The following NFS1 variants were observed in gnomAD, a reference collection of about 807,000 sequenced individuals.
NFS1 encodes the protein cysteine desulfurase.
In NFS1, 26 loss-of-function variants were observed where a neutral mutation model predicts 57.3. The observed-to-expected ratio is 0.45, with a 90% CI of 0.33 to 0.63. NFS1 has a LOEUF of 0.63. NFS1 is among the 20% of genes least tolerant of loss of function. The pLI, the probability that NFS1 is intolerant of heterozygous loss-of-function variation, is 0.02. For synonymous variants in NFS1, 209 were observed against 216.3 expected (o/e 0.97, Z 0.30); for missense variants, 505 against 605.8 (o/e 0.83, Z 1.75).
At chr20:35,684,826 G>A (rs1392407122) in intron 5 of NFS1, among the ~76,000 whole-genome samples, 1 of 151,860 alleles carries the variant, frequency 6.6e-6, no homozygotes, top group East Asian at 1.9e-4. Context: ...CACTTTGGGA[G>A]GCTGAGGTCA....
rs558268831 is a variant in NFS1, at chr20:35,696,319, G to A, written c.408+58C>T. ...ACATATACGAGTCCAAATGATGGAG[G>A]GACACTATCTCCTAGGTCAGGAAAG... On this transcript the variant is annotated intron_variant, in intron 4 of 12. Transcript: ENST00000374092. 6 of 1,133,514 alleles carry A rather than the reference G, an allele frequency of 5.3e-6. No individual in the cohort carries two copies. The African/African-American group carries it at 9.1e-5, about 17-fold the overall frequency. The allele number at this position is 1,133,514 out of a possible 1,614,324, so 70.2% of individuals were successfully genotyped here.
At chr20:35,686,413 G>A (rs2034946022) in intron 5 of NFS1, among the ~76,000 whole-genome samples, 1 of 150,998 alleles carries the variant, frequency 6.6e-6, no homozygotes, top group East Asian at 1.9e-4. Context: ...CTTTTATGAA[G>A]TGATGAAAAT....
intron 5 of NFS1, 67 bp downstream of exon 5, chr20:35,690,346 G>A: frequency 6.6e-7 from 1 of 1,511,126 alleles, no homozygotes; most frequent in Non-Finnish European, 9.1e-7. Context: ...TAGGGCCCAA[G>A]AGAGAAATTT....
At position 35,675,068 on chromosome 20, in the gene NFS1, C is replaced by T; in HGVS notation, c.925G>A (p.Glu309Lys). Reference sequence around the variant, plus strand: ...ACCTCCATCTCTTGCTGTGCCACCTCACACGCAGCCCCCAGCCCCACCACT... The same window carrying T: ...ACCTCCATCTCTTGCTGTGCCACCTTACACGCAGCCCCCAGCCCCACCACT... The part of the protein sequence containing the change: ...PLVVGLGAAC[E>K]VAQQEMEYDH... The change falls in exon 8 of 13, where the codon GAG becomes AAG. Residue 309 changes from glutamate (E) to lysine (K), a missense_variant. Coordinates refer to ENST00000374092, the MANE Select transcript of NFS1 (RefSeq NM_021100.5). 1.2e-6 allele frequency: 2 copies of T among 1,614,040 alleles called. No individual in the cohort carries two copies. Among genetic ancestry groups the T allele is most frequent in the Non-Finnish European group, 1.7e-6 (2 of 1,179,938 alleles).
intron 9 of NFS1, 21 bp from the exon 10 acceptor site, chr20:35,674,452 G>A: frequency 6.2e-7 from 1 of 1,612,862 alleles, no homozygotes; most frequent in Non-Finnish European, 8.5e-7. Context: ...GAAATACTGT[G>A]AGAGAGGTCT....
chr20:35,692,242 C>T, intron 4 of NFS1: 2 of 275,932 alleles, frequency 7.2e-6, no homozygotes, highest in Non-Finnish European at 1.4e-5. Context: ...GGTGTGGTGG[C>T]ACGCACCTGT....
intron 7 of NFS1, among the ~76,000 whole-genome samples, chr20:35,680,318 A>AT (rs1176043534): frequency 6.6e-6 from 1 of 152,136 alleles, no homozygotes; most frequent in Non-Finnish European, 1.5e-5. Flanking sequence ...AAAAAAAAAA[A>AT]GAACACAAAG....
intron 6 of NFS1, among the ~76,000 whole-genome samples, chr20:35,681,115 T>G (rs1601523905): frequency 6.6e-6 from 1 of 151,188 alleles, no homozygotes; most frequent in East Asian, 2.0e-4. Context: ...AAGCACCAGA[T>G]CGAAACACTC....
chr20:35,676,635 G>C lies in NFS1; in HGVS notation c.791-1433C>G, dbSNP rs146926577. ...GAAAAATGAAAGATTGAAACAGTGA[G>C]TACAGTATGCTATCATCTGGATAAA... On this transcript the variant is annotated intron_variant, in intron 7 of 12. Coordinates refer to ENST00000374092, the MANE Select transcript of NFS1 (RefSeq NM_021100.5). Among the ~76,000 whole-genome samples the C allele has an allele frequency of 4.6e-5, 7 of 151,806 alleles. No homozygotes were observed. The East Asian group carries it at 1.2e-3, about 25-fold the overall frequency.
At chr20:35,690,801 G>T (rs1776759038) in intron 4 of NFS1, among the ~76,000 whole-genome samples, 1 of 152,118 alleles carries the variant, frequency 6.6e-6, no homozygotes, top group South Asian at 2.1e-4. Context: ...CCAGACATAA[G>T]TCCCAGGGGT....
At position 35,697,405 on chromosome 20, in the gene NFS1, C is replaced by T. The variant is rs192417612; in HGVS notation, c.324+279G>A. Among the ~76,000 whole-genome samples the T allele has an allele frequency of 2.1e-3, 316 of 152,092 alleles. 4 individuals are homozygous for T. Among genetic ancestry groups the T allele is most frequent in the African/African-American group, 7.0e-3 (292 of 41,482 alleles). The stretch of plus-strand genomic sequence containing the variant: ...TTTATCAGCATTGTCTTATTTAATC[C>T]ACCCAGTAACCCTACAGAGTAGAAA... On this transcript the variant is annotated intron_variant, in intron 3 of 12. Coordinates refer to ENST00000374092, the MANE Select transcript of NFS1 (RefSeq NM_021100.5).
At chr20:35,682,614 C>A (rs1237999738) in intron 5 of NFS1, 1 of 152,170 alleles carries the variant, frequency 6.6e-6, no homozygotes, top group Non-Finnish European at 1.5e-5. Context: ...CAAGGAGAAA[C>A]CCTGTCTCTA....
rs770712131 is a variant in NFS1, at chr20:35,675,038, C to T, written c.948+7G>A. 9.9e-6 allele frequency: 16 copies of T among 1,613,768 alleles called. No homozygotes were observed. The East Asian group carries it at 3.1e-4, about 31-fold the overall frequency. ...GAAGTTGTGGGAGGGAACTGCTCTCCCCATACCTCCATCTCTTGCTGTGCC... is the reference window on the plus strand; with the variant it reads ...GAAGTTGTGGGAGGGAACTGCTCTCTCCATACCTCCATCTCTTGCTGTGCC... On this transcript the variant is annotated splice_region_variant and intron_variant, in intron 8 of 12. Coordinates refer to ENST00000374092, the MANE Select transcript of NFS1 (RefSeq NM_021100.5).
Position 35,680,820 on chromosome 20 carries a change from G to GCCT in NFS1, c.704_706dup (p.Gln235_Ala236insGlu), listed in dbSNP as rs2034835513. 6.3e-7 allele frequency: 1 copy of GCCT among 1,582,590 alleles called. No homozygotes were observed. Among genetic ancestry groups the GCCT allele is most frequent in the African/African-American group, 1.4e-5 (1 of 73,414 alleles). ...GACATCAAGTGGGATTTTTCCAACA[G>GCCT]CCTGGGCTGCATCAGTATGGAAATA... On this transcript the variant is annotated inframe_insertion, in exon 7 of 13. Coordinates refer to ENST00000374092, the MANE Select transcript of NFS1 (RefSeq NM_021100.5).
chr20:35,676,461 C>T (rs1457519297), intron 7 of NFS1, among the ~76,000 whole-genome samples: 1 of 151,392 alleles, frequency 6.6e-6, no homozygotes, highest in Non-Finnish European at 1.5e-5. Flanking sequence ...TGGCACGCAC[C>T]TGTAATCCCA....
Position 35,689,830 on chromosome 20 carries a change from C to G in NFS1, c.561+583G>C, listed in dbSNP as rs1421187500. Among the ~76,000 whole-genome samples the G allele has an allele frequency of 2.1e-5, 3 of 145,234 alleles. No individual in the cohort carries two copies. The East Asian group carries it at 6.1e-4, about 29-fold the overall frequency. On this transcript the variant is annotated intron_variant, in intron 5 of 12. Coordinates refer to ENST00000374092, the MANE Select transcript of NFS1 (RefSeq NM_021100.5). ...GCACGTGCCTGTAGTCCCAGCTACT[C>G]AGGAGGCTGAGGCAGGAGAATCACT...
At chr20:35,694,440 C>G (rs1478784481) in intron 4 of NFS1, 1 of 151,798 alleles carries the variant, frequency 6.6e-6, no homozygotes, top group Non-Finnish European at 1.5e-5. Flanking sequence ...CCACTGGGCC[C>G]GGCTGAGACC....
chr20:35,672,760 T>G lies in NFS1; in HGVS notation c.1305A>C (p.Glu435Asp). 2 of 1,605,054 alleles carry G rather than the reference T, an allele frequency of 1.2e-6. No individual in the cohort carries two copies. The highest frequency in any genetic ancestry group is 8.5e-7 in the Non-Finnish European group (1 of 1,171,716). Residue 435 changes from glutamate to aspartate, a missense_variant, in exon 12 of 13, where the codon GAA becomes GAC. By Grantham distance (45) the Glu-to-Asp change is conservative. Transcript: ENST00000374092. The stretch of plus-strand genomic sequence containing the variant: ...CTCTGATACAATATGTATACCTCAT[T>G]TCTCGAAGACGCTTCACATGCTGAA... ...KCIQHVKRLR[E>D]MSPLWEMVQD...
chr20:35,680,781 A>G lies in NFS1; in HGVS notation c.746T>C (p.Ile249Thr). The stretch of plus-strand genomic sequence containing the variant: ...GTGACCACTAATGCTCATGAGATCA[A>G]TTTTCATGTCATTGACATCAAGTGG... Reference protein sequence around the residue: ...KIPLDVNDMKIDLMSISGHKI... With the variant: ...KIPLDVNDMKTDLMSISGHKI... Residue 249 changes from isoleucine (I) to threonine (T), a missense_variant, in exon 7 of 13, where the codon ATT becomes ACT. Coordinates refer to ENST00000374092, the MANE Select transcript of NFS1 (RefSeq NM_021100.5). The G allele has an allele frequency of 1.3e-6, 2 of 1,574,410 alleles. No individual in the cohort carries two copies. Among genetic ancestry groups the G allele is most frequent in the Non-Finnish European group, 1.7e-6 (2 of 1,161,706 alleles).
Sources: gnomAD v4.1 joint callset for allele counts (sites outside exome capture counted in the v4.1 genomes callset) on GRCh38, gnomAD v4.1.1 for gene constraint, MANE v1.5 for transcripts, NCBI Gene and HGNC (gene_info 2026-07-23, HGNC 2026-07-21) for gene names.